LRRC41: variants seen among roughly 807,000 people sequenced by gnomAD.
LRRC41 encodes leucine rich repeat containing 41.
LRRC41 carries 17 observed loss-of-function variants against 72.1 expected under a neutral mutation model. The observed-to-expected ratio is 0.24, with a 90% CI of 0.16 to 0.35. LRRC41 has a LOEUF of 0.35. Among genes scored for constraint, LRRC41 ranks in the 10% least tolerant of loss-of-function variants. LRRC41 has a pLI of 1.00. For synonymous variants in LRRC41, 427 were observed against 431.0 expected (o/e 0.99, Z 0.11); for missense variants, 759 against 1,065.0 (o/e 0.71, Z 4.00).
In LRRC41 at chr1:46,278,380, AATC is replaced by A; in HGVS notation, c.*482_*484del. 7.4e-7 allele frequency: 1 copy of A among 1,342,476 alleles called. No homozygotes were observed. The highest frequency in any genetic ancestry group is 1.3e-5 in the South Asian group (1 of 79,148). 83.2% of individuals were successfully genotyped at this position (1,342,476 alleles called of 1,614,324 possible). A position where few individuals can be genotyped will look rare whatever the true frequency, so the allele number is the denominator to read the frequency against. ...TGTTGAATTTTGTTCTCTGGGAGAAAATCATCAAGAAGGGCTGCATGATGTTTG... is the reference window on the plus strand; with the variant it reads ...TGTTGAATTTTGTTCTCTGGGAGAAAATCAAGAAGGGCTGCATGATGTTTG... On this transcript the variant is annotated 3_prime_UTR_variant, in exon 10 of 10. Transcript: ENST00000617190.
chr1:46,281,062 T>C, intron 5 of LRRC41, 63 bp downstream of exon 5: 1 of 1,588,626 alleles, frequency 6.3e-7, no homozygotes, highest in East Asian at 2.2e-5. Context: ...TACGAATGCA[T>C]CTGCACCTTT....
At position 46,286,072 on chromosome 1, in the gene LRRC41, G is replaced by C. The variant is rs916436061; in HGVS notation, c.785C>G (p.Pro262Arg). 2 of 1,610,044 alleles carry C rather than the reference G, an allele frequency of 1.2e-6. No homozygotes were observed. The highest frequency in any genetic ancestry group is 1.7e-6 in the Non-Finnish European group (2 of 1,176,812). Residue 262 changes from proline (P) to arginine (R), a missense_variant, in exon 4 of 10, where the codon CCC (proline) becomes CGC (arginine). Around this residue, in one of 4 missense-constraint regions of LRRC41, gnomAD observed 427 missense variants for 520.9 expected, o/e 0.82. Transcript: ENST00000617190. The surrounding 1 kb of genome is among the most constrained non-coding windows in gnomAD (Gnocchi z 5.5). ...GGAGGCCTCTCCACAGAGGCGGCAG[G>C]GTGGGCCACCAGGCCCTGGTTGCCA... Reference protein sequence around the residue: ...GFWQPGPGGPPCRLCGEASRG... With the variant: ...GFWQPGPGGPRCRLCGEASRG...
At chr1:46,282,773 A>G (rs568642683) in intron 4 of LRRC41, among the ~76,000 whole-genome samples, 15 of 152,200 alleles carry the variant, frequency 9.9e-5, no homozygotes, top group Non-Finnish European at 5.9e-5. Flanking sequence ...GCTCACACCT[A>G]TATAATCCCA....
Position 46,278,961 on chromosome 1 carries a change from G to A in LRRC41, c.2343C>T (p.Ala781=). The A allele has an allele frequency of 6.2e-7, 1 of 1,614,020 alleles. No homozygotes were observed. Among genetic ancestry groups the A allele is most frequent in the Non-Finnish European group, 8.5e-7 (1 of 1,180,020 alleles). ...QNWLDQDAVT[A]REAIRRLRAT... ...CCCGGAGCCGCCGGATGGCTTCCCT[G>A]GCTGTGACTGCATCCTGGTCCAGCC... is the stretch of plus-strand genomic sequence containing the variant. Residue 781 remains alanine, a synonymous_variant, in exon 10 of 10, where the codon GCC becomes GCT. Transcript: ENST00000617190.
chr1:46,301,979 A>C (rs1343408647), intron 1 of LRRC41: 1 of 984,988 alleles, frequency 1.0e-6, no homozygotes, highest in East Asian at 1.1e-4. Context: ...GCAGAGCCTC[A>C]CTTTCCCCTC....
Position 46,286,356 on chromosome 1 carries a change from G to A in LRRC41, c.501C>T (p.Leu167=). The part of the protein sequence containing the change: ...LLHSSRHVRQ[L]TICNMLQGAT... ...CACCCTGCAGCATGTTACAGATGGT[G>A]AGCTGTCGGACATGGCGGGAGCTGT... Residue 167 remains leucine (L), a synonymous_variant, in exon 4 of 10, where the codon CTC becomes CTT. Coordinates refer to ENST00000617190, the MANE Select transcript of LRRC41 (RefSeq NM_006369.5). This position sits in a 1 kb window ranked among gnomAD's most constrained non-coding sequence, Gnocchi z 5.5. 6.2e-7 allele frequency: 1 copy of A among 1,614,238 alleles called. No homozygotes were observed. Among genetic ancestry groups the A allele is most frequent in the Non-Finnish European group, 8.5e-7 (1 of 1,180,048 alleles).
At chr1:46,297,245 G>T in intron 3 of LRRC41, 1 of 243,116 alleles carries the variant, frequency 4.1e-6, no homozygotes, top group Non-Finnish European at 8.1e-6. Flanking sequence ...TTGAAGTATT[G>T]GTGTATTCTA....
Position 46,279,623 on chromosome 1 carries a change from A to G in LRRC41, c.2021-9T>C. 6.2e-7 allele frequency: 1 copy of G among 1,614,182 alleles called. No individual in the cohort carries two copies. The highest frequency in any genetic ancestry group is 1.3e-5 in the African/African-American group (1 of 75,056). Reference sequence around the variant, plus strand: ...GAAGGAGAAGGTAATCTCTGTCAAGAAAAATTATAGTAAATTCTGATGGCT... The same window carrying G: ...GAAGGAGAAGGTAATCTCTGTCAAGGAAAATTATAGTAAATTCTGATGGCT... On this transcript the variant is annotated splice_polypyrimidine_tract_variant and intron_variant, in intron 7 of 9. Transcript: ENST00000617190. The surrounding 1 kb of genome is among the most constrained non-coding windows in gnomAD (Gnocchi z 4.5).
chr1:46,290,228 C>CA (rs1660978846), intron 3 of LRRC41, among the ~76,000 whole-genome samples: 1 of 152,184 alleles, frequency 6.6e-6, no homozygotes, highest in African/African-American at 2.4e-5. Context: ...GGCAATGTGA[C>CA]AAAACCCTAT....
At position 46,279,158 on chromosome 1, in the gene LRRC41, T is replaced by C; in HGVS notation, c.2219+24A>G. On this transcript the variant is annotated intron_variant, in intron 9 of 9. Coordinates refer to ENST00000617190, the MANE Select transcript of LRRC41 (RefSeq NM_006369.5). This position sits in a 1 kb window ranked among gnomAD's most constrained non-coding sequence, Gnocchi z 4.5. ...TCTATATCTCTGTAGCCCCATCCCT[T>C]GTCTTGCCCCTCCCCTCATGTACCT... is the stretch of plus-strand genomic sequence containing the variant. 6.2e-7 allele frequency: 1 copy of C among 1,613,714 alleles called. No homozygotes were observed. The highest frequency in any genetic ancestry group is 8.5e-7 in the Non-Finnish European group (1 of 1,179,672).
In LRRC41 at chr1:46,277,961, C is replaced by A. The variant is rs2148308136; in HGVS notation, c.*904G>T. 1 of 1,614,150 alleles carries A rather than the reference C, an allele frequency of 6.2e-7. No individual in the cohort carries two copies. Among genetic ancestry groups the A allele is most frequent in the African/African-American group, 1.3e-5 (1 of 75,042 alleles). On this transcript the variant is annotated 3_prime_UTR_variant, in exon 10 of 10. Coordinates refer to ENST00000617190, the MANE Select transcript of LRRC41 (RefSeq NM_006369.5). ...GCTGTTTATCCTGGATGAAGCTAGC[C>A]TCAGTGACACACATGACAGGTGGGG... is the stretch of plus-strand genomic sequence containing the variant.
chr1:46,288,502 T>C (rs1184385013), intron 3 of LRRC41, among the ~76,000 whole-genome samples: 2 of 152,230 alleles, frequency 1.3e-5, no homozygotes, highest in African/African-American at 4.8e-5. Context: ...GCAGAGCCTG[T>C]TAAGCATGGT....
In LRRC41 at chr1:46,286,125, G is replaced by A; in HGVS notation, c.732C>T (p.Ile244=). 6.2e-7 allele frequency: 1 copy of A among 1,614,240 alleles called. No homozygotes were observed. Among genetic ancestry groups the A allele is most frequent in the Non-Finnish European group, 8.5e-7 (1 of 1,180,042 alleles). The part of the protein sequence containing the change: ...SWPVPESALF[I]LILTMSAGFW... ...AGCCAGCACTCATGGTGAGAATAAG[G>A]ATGAAAAGGGCTGACTCAGGCACAG... Residue 244 remains isoleucine (I), a synonymous_variant, in exon 4 of 10, where the codon ATC becomes ATT. Coordinates refer to ENST00000617190, the MANE Select transcript of LRRC41 (RefSeq NM_006369.5). The surrounding 1 kb of genome is among the most constrained non-coding windows in gnomAD (Gnocchi z 5.5).
At position 46,279,418 on chromosome 1, in the gene LRRC41, G is replaced by A. The variant is rs1364164229; in HGVS notation, c.2143+74C>T. 1 of 1,608,392 alleles carries A rather than the reference G, an allele frequency of 6.2e-7. No homozygotes were observed. Among genetic ancestry groups the A allele is most frequent in the African/African-American group, 1.3e-5 (1 of 74,766 alleles). On this transcript the variant is annotated intron_variant, in intron 8 of 9. Transcript: ENST00000617190. The surrounding 1 kb of genome is among the most constrained non-coding windows in gnomAD (Gnocchi z 4.5). ...CCACGTTCCCAGTGGAGAGGTCTTTGCCTTTATCCAGTGAGTTTTTAGGTC... is the reference window on the plus strand; with the variant it reads ...CCACGTTCCCAGTGGAGAGGTCTTTACCTTTATCCAGTGAGTTTTTAGGTC...
Position 46,280,507 on chromosome 1 carries a change from G to A in LRRC41, c.1810C>T (p.Pro604Ser), listed in dbSNP as rs771951534. The A allele has an allele frequency of 1.9e-6, 3 of 1,614,044 alleles. No individual in the cohort carries two copies. The highest frequency in any genetic ancestry group is 1.3e-5 in the African/African-American group (1 of 74,930). The change falls in exon 6 of 10, where the codon CCA becomes TCA. Residue 604 changes from proline (P) to serine (S), a missense_variant. Transcript: ENST00000617190. ...GCCTTCAGAACGGAGCACAGCAGTG[G>A]GGCTGGCTGGGCTCCCCGTGGAAAT... ...MGFPRGAQPA[P>S]LLCSVLKASG... is the part of the protein sequence containing the mutation.
intron 3 of LRRC41, chr1:46,296,678 A>G (rs1197393684): frequency 1.3e-5 from 2 of 152,176 alleles, no homozygotes; most frequent in Non-Finnish European, 2.9e-5. Flanking sequence ...ATCTTGTGCA[A>G]CCCCTTTTAC....
At chr1:46,288,421 TTGTAAAC>T (rs752946058) in intron 3 of LRRC41, among the ~76,000 whole-genome samples, 1 of 152,214 alleles carries the variant, frequency 6.6e-6, no homozygotes, top group African/African-American at 2.4e-5. Context: ...TTAAAGCACT[TTGTAAAC>T]TGTAAGATAT....
At chr1:46,289,889 G>A (rs922949610) in intron 3 of LRRC41, among the ~76,000 whole-genome samples, 4 of 152,192 alleles carry the variant, frequency 2.6e-5, no homozygotes, top group African/African-American at 9.7e-5. Flanking sequence ...TTTCTGTGAG[G>A]GTAAGGGAAA....
In LRRC41 at chr1:46,302,678, G is replaced by A. The variant is rs1212417371; in HGVS notation, c.199+446C>T. On this transcript the variant is annotated intron_variant, in intron 1 of 9. Coordinates refer to ENST00000617190, the MANE Select transcript of LRRC41 (RefSeq NM_006369.5). The surrounding 1 kb of genome is among the most constrained non-coding windows in gnomAD (Gnocchi z 4.7). Reference sequence around the variant, plus strand: ...CCGGGGCCATCAGTCAGGTTCGGTGGCCCCGGGCCTGGCCTGGCCTTGCCT... The same window carrying A: ...CCGGGGCCATCAGTCAGGTTCGGTGACCCCGGGCCTGGCCTGGCCTTGCCT... The A allele has an allele frequency of 5.0e-5, 49 of 985,222 alleles. No homozygotes were observed. Among genetic ancestry groups the A allele is most frequent in the South Asian group, 9.4e-5 (2 of 21,292 alleles). 61.0% of individuals were successfully genotyped at this position (985,222 alleles called of 1,614,324 possible). A position where few individuals can be genotyped will look rare whatever the true frequency, so the allele number is the denominator to read the frequency against.
Sources: allele counts gnomAD v4.1 joint callset (sites outside exome capture counted in the v4.1 genomes callset), GRCh38; gene constraint gnomAD v4.1.1; regional missense constraint gnomAD v4.1.1; non-coding constraint Gnocchi (gnomAD v3.1); transcripts MANE v1.5; gene names NCBI Gene and HGNC (gene_info 2026-07-23, HGNC 2026-07-21).